The following PLPP4 variants were observed in gnomAD, a reference collection of about 807,000 sequenced individuals.
PLPP4 encodes the protein phospholipid phosphatase 4.
A neutral mutation model predicts 32.2 loss-of-function variants in PLPP4; 20 were observed. That is an observed-to-expected ratio of 0.62 (90% CI 0.44 to 0.90). The LOEUF is 0.90. Ranked by LOEUF, PLPP4 falls within the 40% of genes least tolerant of loss-of-function variation. The pLI, the probability that PLPP4 is intolerant of heterozygous loss-of-function variation, is 0.00. For missense variants in PLPP4, 257 were observed against 353.1 expected (o/e 0.73, Z 2.18); for synonymous variants, 127 against 133.0 (o/e 0.95, Z 0.31).
chr10:120,523,844 T>A (rs1846274626), intron 5 of PLPP4, among the ~76,000 whole-genome samples: 1 of 152,170 alleles, frequency 6.6e-6, no homozygotes, highest in South Asian at 2.1e-4. Flanking sequence ...ACTGTTGCAT[T>A]TGAACTTGGG....
At chr10:120,581,279 G>C in intron 6 of PLPP4, 1 of 985,384 alleles carries the variant, frequency 1.0e-6, no homozygotes, top group Non-Finnish European at 1.2e-6. Flanking sequence ...GTGGTGTTCT[G>C]TGGTTCCTCC....
intron 5 of PLPP4, among the ~76,000 whole-genome samples, chr10:120,523,169 G>A (rs1846234426): frequency 6.6e-6 from 1 of 152,158 alleles, no homozygotes; most frequent in Non-Finnish European, 1.5e-5. Context: ...GGACTTGGTG[G>A]CGCATGCCTG....
chr10:120,552,792 CA>C (rs1847972176), intron 5 of PLPP4, among the ~76,000 whole-genome samples: 2 of 152,310 alleles, frequency 1.3e-5, no homozygotes, highest in South Asian at 4.2e-4. Flanking sequence ...AGACTTGTAT[CA>C]GTGATTAGAG....
At chr10:120,562,627 C>CA (rs924903638) in intron 5 of PLPP4, among the ~76,000 whole-genome samples, 1 of 151,654 alleles carries the variant, frequency 6.6e-6, no homozygotes, top group Non-Finnish European at 1.5e-5. Context: ...TTTTGTACAT[C>CA]AAAAAAAAGT....
intron 5 of PLPP4, among the ~76,000 whole-genome samples, chr10:120,543,686 G>A (rs934720244): frequency 6.6e-6 from 1 of 152,116 alleles, no homozygotes; most frequent in Non-Finnish European, 1.5e-5. Flanking sequence ...TCACAGCGTT[G>A]TGCAGCCATC....
chr10:120,500,947 G>C (rs1845219197), intron 1 of PLPP4, among the ~76,000 whole-genome samples: 1 of 152,122 alleles, frequency 6.6e-6, no homozygotes, highest in African/African-American at 2.4e-5. Flanking sequence ...ACAGCAACTA[G>C]TCATCTCCAG....
At position 120,457,353 on chromosome 10, in the gene PLPP4, A is replaced by C; in HGVS notation, c.48A>C (p.Gly16=). 3 of 1,533,796 alleles carry C rather than the reference A, an allele frequency of 2.0e-6. No homozygotes were observed. Among genetic ancestry groups the C allele is most frequent in the Non-Finnish European group, 2.6e-6 (3 of 1,138,998 alleles). The stretch of plus-strand genomic sequence containing the variant: ...TCGGGGTGCGAGCCCTGCTCTTCGG[A>C]GTCTTCGTGTAAGTAGTGGCGCACC... ...IEIGVRALLF[G]VFVFTEFLDP... is the part of the protein sequence containing the mutation. The change falls in exon 1 of 7, where the codon GGA becomes GGC. Residue 16 remains glycine, a synonymous_variant. Coordinates refer to ENST00000398250, the MANE Select transcript of PLPP4 (RefSeq NM_001030059.3).
chr10:120,478,356 T>G (rs1162352998), intron 1 of PLPP4, among the ~76,000 whole-genome samples: 1 of 152,206 alleles, frequency 6.6e-6, no homozygotes, highest in Non-Finnish European at 1.5e-5. Context: ...AGGGAGGTGT[T>G]CAGGGTGCCT....
intron 1 of PLPP4, among the ~76,000 whole-genome samples, chr10:120,479,822 T>C (rs1844115165): frequency 6.6e-6 from 1 of 152,242 alleles, no homozygotes; most frequent in South Asian, 2.1e-4. Context: ...CAGGTAGTCA[T>C]GTAATTCCTT....
At chr10:120,548,321 C>T (rs561136052) in intron 5 of PLPP4, among the ~76,000 whole-genome samples, 2 of 152,222 alleles carry the variant, frequency 1.3e-5, no homozygotes, top group African/African-American at 4.8e-5. Flanking sequence ...TAAGTGAGAA[C>T]AAATGGTACG....
At chr10:120,580,553 G>A (rs116448575) in intron 6 of PLPP4, among the ~76,000 whole-genome samples, 1,961 of 151,966 alleles carry the variant, frequency 0.013, 46 homozygotes, top group African/African-American at 0.046. Context: ...TGTAAATCCA[G>A]CTATGTCATG....
At position 120,532,416 on chromosome 10, in the gene PLPP4, T is replaced by A. The variant is rs1284568093; in HGVS notation, c.445+11321T>A. The stretch of plus-strand genomic sequence containing the variant: ...ATTAGTATAGCATTATATTAGATCT[T>A]GACATCAGACAAGATCTTTATTTAA... On this transcript the variant is annotated intron_variant, in intron 5 of 6. Transcript: ENST00000398250. Among the ~76,000 whole-genome samples the A allele has an allele frequency of 2.0e-5, 3 of 152,334 alleles. No individual in the cohort carries two copies. The East Asian group carries it at 5.8e-4, about 29-fold the overall frequency.
At chr10:120,513,062 C>CA (rs1484617186) in intron 2 of PLPP4, among the ~76,000 whole-genome samples, 2 of 152,152 alleles carry the variant, frequency 1.3e-5, no homozygotes, top group South Asian at 4.2e-4. Flanking sequence ...GAAGAAGCAA[C>CA]AAAAAATGCC....
rs76419093 is a variant in PLPP4 at position 120,591,627 on chromosome 10, A to C, written c.*2125A>C. Among the ~76,000 whole-genome samples the C allele has an allele frequency of 4.1e-5, 6 of 147,150 alleles. No homozygotes were observed. The highest frequency in any genetic ancestry group is 1.5e-4 in the African/African-American group (6 of 39,986). On this transcript the variant is annotated 3_prime_UTR_variant, in exon 7 of 7. Transcript: ENST00000398250. ...TCCTTTGCTACTGTTAAAAAAAAAAACCCCATCCTGATGTGGCCCACATTC... is the reference window on the plus strand; with the variant it reads ...TCCTTTGCTACTGTTAAAAAAAAAACCCCCATCCTGATGTGGCCCACATTC...
At position 120,591,118 on chromosome 10, in the gene PLPP4, C is replaced by T. The variant is rs1390888321; in HGVS notation, c.*1616C>T. Among the ~76,000 whole-genome samples the T allele has an allele frequency of 1.3e-5, 2 of 152,226 alleles. No homozygotes were observed. The highest frequency in any genetic ancestry group is 4.8e-5 in the African/African-American group (2 of 41,542). Reference sequence around the variant, plus strand: ...GCATAACAGACTGCATTTTGAGAGACTCAGGTGGCTGCCTAAATGGTCAGC... The same window carrying T: ...GCATAACAGACTGCATTTTGAGAGATTCAGGTGGCTGCCTAAATGGTCAGC... On this transcript the variant is annotated 3_prime_UTR_variant, in exon 7 of 7. Coordinates refer to ENST00000398250, the MANE Select transcript of PLPP4 (RefSeq NM_001030059.3).
chr10:120,587,422 A>C (rs1849813522), intron 6 of PLPP4: 1 of 152,204 alleles, frequency 6.6e-6, no homozygotes, highest in East Asian at 1.9e-4. Context: ...TCTAAAATAA[A>C]AGAGCTTTTC....
chr10:120,537,043 AT>A, intron 5 of PLPP4, among the ~76,000 whole-genome samples: 1 of 152,270 alleles, frequency 6.6e-6, no homozygotes, highest in South Asian at 2.1e-4. Context: ...GAGATAATAA[AT>A]GTTGGCGAAG....
chr10:120,513,764 C>CTTTTTTTTT, intron 2 of PLPP4, 147 bp from the exon 3 acceptor site: 2 of 651,006 alleles, frequency 3.1e-6, no homozygotes. Context: ...ATACATCATC[C>CTTTTTTTTT]TTTTTTTTTT....
intron 1 of PLPP4, among the ~76,000 whole-genome samples, chr10:120,459,415 A>G (rs186725157): frequency 2.6e-5 from 4 of 152,294 alleles, no homozygotes; most frequent in Admixed American, 2.6e-4. Flanking sequence ...TCAGGCATGT[A>G]CCGACTTCTG....
Sources: allele counts gnomAD v4.1 joint callset (sites outside exome capture counted in the v4.1 genomes callset), GRCh38; gene constraint gnomAD v4.1.1; transcripts MANE v1.5; gene names NCBI Gene and HGNC (gene_info 2026-07-23, HGNC 2026-07-21).